RASEF: variants seen among roughly 807,000 people sequenced by gnomAD.
RASEF encodes ras and EF-hand domain-containing protein.
RASEF carries 68 observed loss-of-function variants against 90.1 expected under a neutral mutation model. The ratio of observed to expected loss-of-function variants is 0.75; its 90% CI spans 0.62 to 0.92. The LOEUF is 0.92. Ranked by LOEUF, RASEF falls within the 40% of genes least tolerant of loss-of-function variation. The pLI, the probability that RASEF is intolerant of heterozygous loss-of-function variation, is 0.00. For missense variants in RASEF, 949 were observed against 937.2 expected (o/e 1.01, Z -0.16); for synonymous variants, 331 against 345.2 (o/e 0.96, Z 0.46).
intron 3 of RASEF, among the ~76,000 whole-genome samples, chr9:83,016,629 G>A (rs567633870): frequency 6.6e-6 from 1 of 152,070 alleles, no homozygotes; most frequent in Non-Finnish European, 1.5e-5. Flanking sequence ...TGGGGACATG[G>A]GGACAGAGAG....
At chr9:83,130,959 T>G in the RASEF span, among the ~76,000 whole-genome samples, 1 of 152,240 alleles carries the variant, frequency 6.6e-6, no homozygotes, top group Non-Finnish European at 1.5e-5. Context: ...ACAAGTGTCC[T>G]GGACTGGCAT....
At chr9:83,167,844 G>A in the RASEF span, among the ~76,000 whole-genome samples, 17 of 152,034 alleles carry the variant, frequency 1.1e-4, no homozygotes, top group South Asian at 2.1e-4. Flanking sequence ...AGTACTTACC[G>A]CTTTTACTGC....
At chr9:83,059,269 T>TACACACAC (rs59546421) in intron 1 of RASEF, among the ~76,000 whole-genome samples, 2,755 of 129,078 alleles carry the variant, frequency 0.021, 103 homozygotes, top group African/African-American at 0.066. Flanking sequence ...AAATGCTCAA[T>TACACACAC]ACACACACAC....
At chr9:83,156,651 A>G in the RASEF span, among the ~76,000 whole-genome samples, 1 of 152,306 alleles carries the variant, frequency 6.6e-6, no homozygotes, top group Non-Finnish European at 1.5e-5. Flanking sequence ...TCACTTAACT[A>G]ACAGTGGGAT....
the RASEF span, among the ~76,000 whole-genome samples, chr9:83,165,064 C>T: frequency 6.6e-6 from 1 of 152,026 alleles, no homozygotes; most frequent in African/African-American, 2.4e-5. Flanking sequence ...TAGTTGGAGA[C>T]TTCAACACCC....
In RASEF at chr9:83,031,231, C is replaced by A. The variant is rs527342004; in HGVS notation, c.432-5310G>T. The stretch of plus-strand genomic sequence containing the variant: ...ATTTTATCATCTTCTTCCCTATTAA[C>A]ATACTTCCTTACCTCCTTACTTGAT... On this transcript the variant is annotated intron_variant, in intron 1 of 16. Transcript: ENST00000376447. Among the ~76,000 whole-genome samples, 16 of 152,328 alleles carry A rather than the reference C, an allele frequency of 1.1e-4. No individual in the cohort carries two copies. The South Asian group carries it at 3.3e-3, about 32-fold the overall frequency.
intron 7 of RASEF, among the ~76,000 whole-genome samples, chr9:83,005,937 TCCA>T (rs1369330266): frequency 6.6e-6 from 1 of 152,230 alleles, no homozygotes; most frequent in Non-Finnish European, 1.5e-5. Flanking sequence ...CTGGCACTGT[TCCA>T]CCAGGTACCG....
rs183125461 is a variant in RASEF, at chr9:82,992,575, C to T, written c.2040+331G>A. On this transcript the variant is annotated intron_variant, in intron 15 of 16. Coordinates refer to ENST00000376447, the MANE Select transcript of RASEF (RefSeq NM_152573.4). Reference sequence around the variant, plus strand: ...TTCAAAATAGGACACTATTTTCTTCCTTTACTTGGATTCCAGGACTAGAGA... The same window carrying T: ...TTCAAAATAGGACACTATTTTCTTCTTTTACTTGGATTCCAGGACTAGAGA... Among the ~76,000 whole-genome samples the T allele has an allele frequency of 1.3e-3, 191 of 152,240 alleles. 1 individual carries two copies. Among genetic ancestry groups the T allele is most frequent in the Middle Eastern group, 0.01 (3 of 294 alleles).
chr9:83,206,606 C>G, the RASEF span, among the ~76,000 whole-genome samples: 1 of 152,180 alleles, frequency 6.6e-6, no homozygotes. Context: ...TAGCATCTTA[C>G]AGTATACGCT....
intron 1 of RASEF, among the ~76,000 whole-genome samples, chr9:83,040,310 G>A (rs1438689700): frequency 6.6e-6 from 1 of 152,032 alleles, no homozygotes; most frequent in African/African-American, 2.4e-5. Flanking sequence ...ATCAAATCTT[G>A]AATATATTTT....
the RASEF span, among the ~76,000 whole-genome samples, chr9:83,152,318 C>G: frequency 6.6e-6 from 1 of 152,142 alleles, no homozygotes; most frequent in Non-Finnish European, 1.5e-5. Flanking sequence ...AAAGGATGAC[C>G]AATTCCTGAA....
chr9:83,101,343 C>T, the RASEF span, among the ~76,000 whole-genome samples: 10 of 152,176 alleles, frequency 6.6e-5, no homozygotes, highest in South Asian at 1.0e-3. Flanking sequence ...TCTGCAGGTG[C>T]GGACATTGCA....
the RASEF span, among the ~76,000 whole-genome samples, chr9:83,112,455 C>A: frequency 7.2e-5 from 11 of 152,118 alleles, no homozygotes; most frequent in Non-Finnish European, 1.2e-4. Context: ...GAGGCCGAGG[C>A]GGGTGAATCA....
chr9:83,072,888 A>T, the RASEF span, among the ~76,000 whole-genome samples: 3 of 152,304 alleles, frequency 2.0e-5, no homozygotes, highest in East Asian at 5.8e-4. Context: ...CCTTCAATCA[A>T]GTTGGCACTC....
chr9:83,040,490 T>A (rs966881963), intron 1 of RASEF, among the ~76,000 whole-genome samples: 1 of 152,200 alleles, frequency 6.6e-6, no homozygotes, highest in African/African-American at 2.4e-5. Context: ...CTACAAAAGA[T>A]AAGGATTTGC....
At chr9:83,148,080 C>T in the RASEF span, among the ~76,000 whole-genome samples, 1 of 152,042 alleles carries the variant, frequency 6.6e-6, no homozygotes, top group African/African-American at 2.4e-5. Flanking sequence ...ATGCCCGTTC[C>T]CATCTAGGTC....
At chr9:83,149,243 G>C in the RASEF span, among the ~76,000 whole-genome samples, 1 of 152,196 alleles carries the variant, frequency 6.6e-6, no homozygotes, top group South Asian at 2.1e-4. Flanking sequence ...TCACCATACA[G>C]ATATTGTGCC....
intron 3 of RASEF, among the ~76,000 whole-genome samples, chr9:83,018,335 A>G (rs961809461): frequency 6.6e-6 from 1 of 152,214 alleles, no homozygotes; most frequent in African/African-American, 2.4e-5. Context: ...CACAATGAAC[A>G]ATCAGAAATT....
At chr9:83,200,203 CTGA>C in the RASEF span, among the ~76,000 whole-genome samples, 2 of 152,082 alleles carry the variant, frequency 1.3e-5, no homozygotes, top group Non-Finnish European at 2.9e-5. Flanking sequence ...TGAGGCCAGG[CTGA>C]CTAACATGGT....
Sources: gnomAD v4.1 joint callset for allele counts (sites outside exome capture counted in the v4.1 genomes callset) on GRCh38, gnomAD v4.1.1 for gene constraint, MANE v1.5 for transcripts, NCBI Gene and HGNC (gene_info 2026-07-23, HGNC 2026-07-21) for gene names.